Variants in CCSER2 observed in about 807,000 individuals in gnomAD.
The protein encoded by CCSER2 is coiled-coil serine rich protein 2.
Under a neutral mutation model 92.3 loss-of-function variants are expected in CCSER2, and 46 were observed. That is an observed-to-expected ratio of 0.50 (90% CI 0.39 to 0.64). CCSER2 has a LOEUF of 0.64. CCSER2 is among the 30% of genes least tolerant of loss of function. CCSER2 has a pLI of 0.00. For missense variants in CCSER2, 1,244 were observed against 1,238.9 expected (o/e 1.00, Z -0.06); for synonymous variants, 433 against 431.4 (o/e 1.00, Z -0.04).
chr10:84,423,637 G>A (rs11201030), intron 4 of CCSER2, among the ~76,000 whole-genome samples: 54,159 of 151,960 alleles, frequency 0.36, 11,538 homozygotes, highest in East Asian at 0.5. Context: ...TCTTGCTTTG[G>A]GAGTGAGTGG....
At chr10:84,500,693 T>C (rs1848676190) in intron 9 of CCSER2, among the ~76,000 whole-genome samples, 1 of 152,224 alleles carries the variant, frequency 6.6e-6, no homozygotes, top group Admixed American at 6.5e-5. Flanking sequence ...TTTATCTTTT[T>C]TGAAAAGTCA....
At chr10:84,509,113 A>G (rs1204455731) in intron 9 of CCSER2, among the ~76,000 whole-genome samples, 1 of 152,198 alleles carries the variant, frequency 6.6e-6, no homozygotes, top group Admixed American at 6.5e-5. Context: ...CCTTCTAAAC[A>G]TGAATCATTA....
rs1844876664 is a variant in CCSER2, at chr10:84,445,766, G to GA, written c.2064+7060dup. On this transcript the variant is annotated intron_variant, in intron 6 of 9. Transcript: ENST00000372088. Reference sequence around the variant, plus strand: ...TTCTTTTGCTTAATATTATATTCATGAGTCATCCATTTTCTGCATCATTCT... The same window carrying GA: ...TTCTTTTGCTTAATATTATATTCATGAAGTCATCCATTTTCTGCATCATTCT... 2.0e-5 allele frequency among the ~76,000 whole-genome samples: 3 copies of GA among 152,242 alleles called. No homozygotes were observed. The South Asian group carries it at 6.2e-4, about 32-fold the overall frequency.
intron 3 of CCSER2, among the ~76,000 whole-genome samples, chr10:84,409,890 T>G (rs1842563578): frequency 6.6e-6 from 1 of 152,184 alleles, no homozygotes; most frequent in Non-Finnish European, 1.5e-5. Flanking sequence ...CCATTAGTTA[T>G]TCTTCCTGAT....
chr10:84,331,343 T>A (rs1172167816), intron 1 of CCSER2, among the ~76,000 whole-genome samples: 10 of 152,158 alleles, frequency 6.6e-5, no homozygotes. Flanking sequence ...TTAGAACCCT[T>A]GTGGCTGAGA....
At chr10:84,489,242 T>G (rs1473244593) in intron 9 of CCSER2, among the ~76,000 whole-genome samples, 1 of 152,170 alleles carries the variant, frequency 6.6e-6, no homozygotes, top group East Asian at 1.9e-4. Context: ...GTTCTGTAGA[T>G]GTCTGTTAGG....
chr10:84,358,663 TATAC>T (rs1845328496), intron 1 of CCSER2, among the ~76,000 whole-genome samples: 12 of 147,558 alleles, frequency 8.1e-5, no homozygotes, highest in Non-Finnish European at 1.3e-4. Flanking sequence ...TATATATACA[TATAC>T]ATATATGTAT....
intron 1 of CCSER2, among the ~76,000 whole-genome samples, chr10:84,348,112 T>C (rs1385902256): frequency 4.0e-5 from 6 of 150,288 alleles, no homozygotes; most frequent in African/African-American, 1.5e-4. Flanking sequence ...GGCTGGGAGG[T>C]GGAGGTTGTA....
At chr10:84,429,220 T>C (rs1052710522) in intron 5 of CCSER2, among the ~76,000 whole-genome samples, 1 of 152,034 alleles carries the variant, frequency 6.6e-6, no homozygotes, top group Non-Finnish European at 1.5e-5. Flanking sequence ...GGGCCTGGGC[T>C]TTTCTTTGTG....
chr10:84,496,277 C>T (rs1848444375), intron 9 of CCSER2, among the ~76,000 whole-genome samples: 1 of 152,112 alleles, frequency 6.6e-6, no homozygotes, highest in Non-Finnish European at 1.5e-5. Flanking sequence ...CTACACTCCC[C>T]AGTCCTCCCT....
Position 84,361,646 on chromosome 10 carries a change from C to CT in CCSER2, c.-39-9356dup, listed in dbSNP as rs540444252. ...TGTAGAAACTACCACTAACATTTTT[C>CT]TTTTTTTTTTTTGAGATGGAGTTTC... is the stretch of plus-strand genomic sequence containing the variant. On this transcript the variant is annotated intron_variant, in intron 1 of 9. Coordinates refer to ENST00000372088, the MANE Select transcript of CCSER2 (RefSeq NM_001284240.2). 1.2e-3 allele frequency among the ~76,000 whole-genome samples: 172 copies of CT among 144,838 alleles called. 1 individual carries two copies. The highest frequency in any genetic ancestry group is 6.9e-3 in the South Asian group (31 of 4,510).
intron 5 of CCSER2, among the ~76,000 whole-genome samples, chr10:84,427,735 A>G (rs768841927): frequency 1.3e-5 from 2 of 151,932 alleles, no homozygotes; most frequent in Non-Finnish European, 1.5e-5. Flanking sequence ...ACACCTTTTG[A>G]TATGCTATCT....
At chr10:84,425,445 T>A (rs988432024) in intron 4 of CCSER2, among the ~76,000 whole-genome samples, 22 of 152,306 alleles carry the variant, frequency 1.4e-4, no homozygotes, top group African/African-American at 5.3e-4. Context: ...TAATGTTGAT[T>A]TCAAGGTTAA....
Position 84,332,436 on chromosome 10 carries a change from A to ATATATAT in CCSER2, c.-40+3629_-40+3630insATATATT, listed in dbSNP as rs1401635246. Reference sequence around the variant, plus strand: ...TTTATATATATATATATATATATATATTTTTTTTTTTTTTTTTTTTTGAGA... The same window carrying ATATATAT: ...TTTATATATATATATATATATATATATATATATTTTTTTTTTTTTTTTTTTTTTGAGA... On this transcript the variant is annotated intron_variant, in intron 1 of 9. Transcript: ENST00000372088. 1.5e-3 allele frequency among the ~76,000 whole-genome samples: 81 copies of ATATATAT among 55,210 alleles called. 3 individuals are homozygous for ATATATAT. Among genetic ancestry groups the ATATATAT allele is most frequent in the Admixed American group, 0.014 (39 of 2,784 alleles). 36.2% of individuals were successfully genotyped at this position (55,210 alleles called of 152,430 possible). A position where few individuals can be genotyped will look rare whatever the true frequency, so the allele number is the denominator to read the frequency against.
intron 1 of CCSER2, among the ~76,000 whole-genome samples, chr10:84,363,053 G>A (rs1439346848): frequency 6.6e-6 from 1 of 150,406 alleles, no homozygotes; most frequent in African/African-American, 2.4e-5. Flanking sequence ...TACCATGTTG[G>A]CCAGGCTGGT....
At chr10:84,380,401 T>C (rs1840829258) in intron 3 of CCSER2, among the ~76,000 whole-genome samples, 1 of 152,194 alleles carries the variant, frequency 6.6e-6, no homozygotes. Context: ...TGCAGTAATC[T>C]TCTCTGAGCC....
At chr10:84,415,385 T>C (rs1294053214) in intron 3 of CCSER2, among the ~76,000 whole-genome samples, 2 of 152,246 alleles carry the variant, frequency 1.3e-5, no homozygotes, top group African/African-American at 4.8e-5. Context: ...TGTTTTTCTT[T>C]TAACAGTCAC....
chr10:84,423,964 T>G (rs914031194), intron 4 of CCSER2, among the ~76,000 whole-genome samples: 1 of 126,834 alleles, frequency 7.9e-6, no homozygotes, highest in Non-Finnish European at 1.6e-5. Flanking sequence ...CTGGCCAGCA[T>G]AGCAAGTCCC....
chr10:84,374,068 A>G (rs1846205187), intron 3 of CCSER2: 1 of 831,912 alleles, frequency 1.2e-6, no homozygotes, highest in Non-Finnish European at 1.8e-6. Context: ...ATACTATATT[A>G]GTAGTTTAAT....
Sources: gnomAD v4.1 joint callset for allele counts (sites outside exome capture counted in the v4.1 genomes callset) on GRCh38, gnomAD v4.1.1 for gene constraint, MANE v1.5 for transcripts, NCBI Gene and HGNC (gene_info 2026-07-23, HGNC 2026-07-21) for gene names.